HRH1: variants seen among roughly 807,000 people sequenced by gnomAD.
HRH1 encodes the protein histamine H1 receptor.
In HRH1, 6 loss-of-function variants were observed where a neutral mutation model predicts 10.3. The ratio of observed to expected loss-of-function variants is 0.58; its 90% CI spans 0.32 to 1.15. The LOEUF (loss-of-function observed/expected upper bound fraction) is 1.15, where lower values mean the gene tolerates loss of function less well. HRH1 is among the 50% of genes most tolerant of loss of function. The pLI is 0.05. For synonymous variants in HRH1, 242 were observed against 236.7 expected, an observed-to-expected ratio of 1.02 and a Z score of -0.21; for missense variants, 514 against 615.3, an observed-to-expected ratio of 0.84 and a Z score of 1.74.
intron 1 of HRH1, among the ~76,000 whole-genome samples, chr3:11,221,661 GCCCATCACCA>G (rs1309097388): frequency 3.9e-5 from 6 of 151,932 alleles, no homozygotes; most frequent in African/African-American, 1.4e-4. Flanking sequence ...GCAATCATGT[GCCCATCACCA>G]CCCATCACCA....
intron 1 of HRH1, among the ~76,000 whole-genome samples, chr3:11,221,634 A>C (rs1008493881): frequency 8.5e-5 from 13 of 152,230 alleles, no homozygotes; most frequent in African/African-American, 3.1e-4. Flanking sequence ...AGTGACACTA[A>C]CTACATTCAC....
intron 1 of HRH1, among the ~76,000 whole-genome samples, chr3:11,177,960 C>T (rs903319423): frequency 2.0e-5 from 3 of 152,288 alleles, no homozygotes; most frequent in African/African-American, 7.2e-5. Flanking sequence ...TCCAAGAGTT[C>T]CATCGGTGGG....
rs547178268 is a variant in HRH1 at position 11,228,429 on chromosome 3, A to G, written c.-35-30574A>G. Among the ~76,000 whole-genome samples, 12 of 152,260 alleles carry G rather than the reference A, an allele frequency of 7.9e-5. No homozygotes were observed. The South Asian group carries it at 8.3e-4, about 11-fold the overall frequency. ...CTGAAACCCAGAGATACCCCAGACC[A>G]ATTACACCAGAATCAAATCCAGGAG... On this transcript the variant is annotated intron_variant, in intron 1 of 1. Transcript: ENST00000431010.
chr3:11,153,365 A>C (rs1936691278), upstream of HRH1, among the ~76,000 whole-genome samples: 1 of 152,168 alleles, frequency 6.6e-6, no homozygotes, highest in Non-Finnish European at 1.5e-5. Flanking sequence ...CCCTGAGGCC[A>C]AGAAAAAGGA....
chr3:11,230,520 A>G (rs1939010889), intron 1 of HRH1, among the ~76,000 whole-genome samples: 1 of 152,210 alleles, frequency 6.6e-6, no homozygotes, highest in African/African-American at 2.4e-5. Flanking sequence ...GGATGTAACC[A>G]CAGTGTAAAA....
At chr3:11,203,101 A>G (rs1937990708) in intron 1 of HRH1, among the ~76,000 whole-genome samples, 1 of 152,168 alleles carries the variant, frequency 6.6e-6, no homozygotes, top group South Asian at 2.1e-4. Flanking sequence ...TATTTTTAAC[A>G]TTGAATAGTA....
At chr3:11,249,740 A>T (rs1939587400) in intron 1 of HRH1, among the ~76,000 whole-genome samples, 1 of 152,158 alleles carries the variant, frequency 6.6e-6, no homozygotes, top group African/African-American at 2.4e-5. Flanking sequence ...TGTGGCAGAG[A>T]TGCTGAGGCT....
At chr3:11,218,760 G>C (rs1938598975) in intron 1 of HRH1, among the ~76,000 whole-genome samples, 2 of 152,176 alleles carry the variant, frequency 1.3e-5, no homozygotes, top group Admixed American at 6.5e-5. Context: ...ATTTTTCATA[G>C]AGATGGGGTT....
At chr3:11,138,900 C>T (rs1184173800) in intron 1 of HRH1, among the ~76,000 whole-genome samples, 2 of 151,818 alleles carry the variant, frequency 1.3e-5, no homozygotes, top group Non-Finnish European at 2.9e-5. Flanking sequence ...GTGTCAAACT[C>T]CTGGGCTCAA....
intron 1 of HRH1, among the ~76,000 whole-genome samples, chr3:11,227,566 G>T (rs576829006): frequency 3.3e-5 from 5 of 152,174 alleles, no homozygotes; most frequent in Non-Finnish European, 5.9e-5. Context: ...GATTACAGAC[G>T]TGAGCCACCA....
rs146100729 is a variant in HRH1, at chr3:11,240,035, C to G, written c.-35-18968C>G. Among the ~76,000 whole-genome samples the G allele has an allele frequency of 3.9e-3, 587 of 152,200 alleles. 10 individuals carry two copies. The highest frequency in any genetic ancestry group is 0.012 in the South Asian group (60 of 4,820). On this transcript the variant is annotated intron_variant, in intron 1 of 1. Transcript: ENST00000431010. Reference sequence around the variant, plus strand: ...CTGGGCTGACTGGTTTGTTCTGGGTCAGAGATAACTTCTGGTTCAATCACG... The same window carrying G: ...CTGGGCTGACTGGTTTGTTCTGGGTGAGAGATAACTTCTGGTTCAATCACG...
At chr3:11,213,944 C>T (rs1032108952) in intron 1 of HRH1, among the ~76,000 whole-genome samples, 14 of 152,198 alleles carry the variant, frequency 9.2e-5, no homozygotes, top group African/African-American at 3.4e-4. Context: ...AGGTTTTCTA[C>T]CCAGGTGGTT....
At chr3:11,185,193 C>G (rs534590447) in intron 1 of HRH1, among the ~76,000 whole-genome samples, 42 of 152,196 alleles carry the variant, frequency 2.8e-4, no homozygotes, top group Non-Finnish European at 5.1e-4. Context: ...GTAAGGCATC[C>G]CTGGAAATTC....
At chr3:11,175,695 G>A (rs1937235271) in intron 1 of HRH1, among the ~76,000 whole-genome samples, 1 of 152,214 alleles carries the variant, frequency 6.6e-6, no homozygotes, top group South Asian at 2.1e-4. Flanking sequence ...TTCTGAAGCA[G>A]TCAGATGCCT....
intron 1 of HRH1, among the ~76,000 whole-genome samples, chr3:11,194,556 G>A (rs566918122): frequency 6.6e-6 from 1 of 152,226 alleles, no homozygotes; most frequent in African/African-American, 2.4e-5. Context: ...AGCAGGGCAT[G>A]TTGGCTCACG....
At chr3:11,202,141 C>T (rs1029321537) in intron 1 of HRH1, among the ~76,000 whole-genome samples, 2 of 152,170 alleles carry the variant, frequency 1.3e-5, no homozygotes, top group African/African-American at 4.8e-5. Flanking sequence ...CTGTAGCTCA[C>T]GCCTGTAATC....
intron 1 of HRH1, among the ~76,000 whole-genome samples, chr3:11,148,261 A>G (rs528259443): frequency 4.3e-4 from 65 of 151,824 alleles, no homozygotes; most frequent in Non-Finnish European, 7.1e-4. Flanking sequence ...CAACCTTCAC[A>G]TCACCTCTGA....
At chr3:11,236,848 TC>T (rs1559281490) in intron 1 of HRH1, among the ~76,000 whole-genome samples, 2 of 152,226 alleles carry the variant, frequency 1.3e-5, no homozygotes, top group East Asian at 3.8e-4. Flanking sequence ...CAGGTGTCCA[TC>T]AGGTCACTTG....
chr3:11,241,471 TCAGCACTCGGTAGCTAGGAGTGTAAAAC>T (rs1939333871), intron 1 of HRH1, among the ~76,000 whole-genome samples: 7 of 152,022 alleles, frequency 4.6e-5, no homozygotes, highest in African/African-American at 1.5e-4. Context: ...AACGCACCAA[TCAGCACTCGGTAGCTAGGAGTGTAAAAC>T]GCACCAATCA....
Sources: gnomAD v4.1 joint callset for allele counts (sites outside exome capture counted in the v4.1 genomes callset) on GRCh38, gnomAD v4.1.1 for gene constraint, MANE v1.5 for transcripts, NCBI Gene and HGNC (gene_info 2026-07-23, HGNC 2026-07-21) for gene names.